Variants in AKR1D1 observed in about 807,000 individuals in gnomAD.
The protein encoded by AKR1D1 is aldo-keto reductase family 1 member D1.
AKR1D1 carries 32 observed loss-of-function variants against 42.6 expected under a neutral mutation model. The ratio of observed to expected loss-of-function variants is 0.75; its 90% CI spans 0.57 to 1.01. The LOEUF (loss-of-function observed/expected upper bound fraction) is 1.01, where lower values mean the gene tolerates loss of function less well. Among genes scored for constraint, AKR1D1 ranks in the 50% least tolerant of loss-of-function variants. AKR1D1 has a pLI of 0.00. For missense variants in AKR1D1, 364 were observed against 402.2 expected, an observed-to-expected ratio of 0.91 and a Z score of 0.81; for synonymous variants, 123 against 135.5, an observed-to-expected ratio of 0.91 and a Z score of 0.64.
chr7:138,102,319 G>C (rs547104815), intron 4 of AKR1D1, among the ~76,000 whole-genome samples: 1 of 151,850 alleles, frequency 6.6e-6, no homozygotes, highest in African/African-American at 2.4e-5. Context: ...CTATAACCCA[G>C]CACTTTGAGA....
In AKR1D1 at chr7:138,116,916, CAG is replaced by C; in HGVS notation, c.*256_*257del. 2.2e-6 allele frequency: 1 copy of C among 451,194 alleles called. No homozygotes were observed. Among genetic ancestry groups the C allele is most frequent in the Non-Finnish European group, 3.9e-6 (1 of 254,776 alleles). 27.9% of individuals were successfully genotyped at this position (451,194 alleles called of 1,614,324 possible). On this transcript the variant is annotated 3_prime_UTR_variant, in exon 9 of 9. Transcript: ENST00000242375. Reference sequence around the variant, plus strand: ...TTTCAGATCAGTATCTTCTAGATTCCAGACAGAAAAAAATTACACTTCAGAAA... The same window carrying C: ...TTTCAGATCAGTATCTTCTAGATTCCACAGAAAAAAATTACACTTCAGAAA...
At chr7:138,095,817 C>T (rs117411517) in intron 3 of AKR1D1, among the ~76,000 whole-genome samples, 2,903 of 151,536 alleles carry the variant, frequency 0.019, 50 homozygotes, top group Non-Finnish European at 0.029. Flanking sequence ...TGAGCCACTG[C>T]GCCTGGCCAA....
At chr7:138,088,522 T>C in intron 1 of AKR1D1, 79 bp from the exon 2 acceptor site, 1 of 1,487,734 alleles carries the variant, frequency 6.7e-7, no homozygotes, top group Non-Finnish European at 9.4e-7. Context: ...GGAATGTACA[T>C]GCAAAATGTC....
At chr7:138,089,702 G>A (rs1296053358) in intron 2 of AKR1D1, among the ~76,000 whole-genome samples, 1 of 152,104 alleles carries the variant, frequency 6.6e-6, no homozygotes, top group Non-Finnish European at 1.5e-5. Flanking sequence ...TGTCAATATG[G>A]GCTGTATGTA....
In AKR1D1 at chr7:138,088,736, G is replaced by T. The variant is rs143466151; in HGVS notation, c.229G>T (p.Val77Leu). ...AIREKIAEGK[V>L]RREDIFYCGK... ...CAGGGAGAAGATAGCAGAAGGAAAG[G>T]TGCGGAGGGAAGATATCTTCTACTG... The change falls in exon 2 of 9, where the codon GTG becomes TTG. Residue 77 changes from valine to leucine, a missense_variant. Val to Leu is a conservative substitution (Grantham distance 32). Transcript: ENST00000242375. 1 of 1,609,914 alleles carries T rather than the reference G, an allele frequency of 6.2e-7. No individual in the cohort carries two copies. Among genetic ancestry groups the T allele is most frequent in the Non-Finnish European group, 8.5e-7 (1 of 1,177,940 alleles).
chr7:138,106,153 A>G (rs912969605), intron 5 of AKR1D1, among the ~76,000 whole-genome samples: 1 of 152,218 alleles, frequency 6.6e-6, no homozygotes, highest in African/African-American at 2.4e-5. Context: ...CAAGTGATTA[A>G]ATGCTAGTGA....
chr7:138,084,465 T>C (rs867364213), intron 1 of AKR1D1, among the ~76,000 whole-genome samples: 26 of 151,910 alleles, frequency 1.7e-4, no homozygotes, highest in African/African-American at 6.3e-4. Flanking sequence ...GCGATCCTCC[T>C]ACCTCAGCCT....
intron 1 of AKR1D1, among the ~76,000 whole-genome samples, chr7:138,079,491 T>C (rs1803008900): frequency 6.6e-6 from 1 of 152,176 alleles, no homozygotes; most frequent in African/African-American, 2.4e-5. Context: ...ATTGAGAATA[T>C]AATAGACATC....
At position 138,116,847 on chromosome 7, in the gene AKR1D1, T is replaced by C. The variant is rs553896043; in HGVS notation, c.*185T>C. ...ACTCAGTCACATTGAAGTAAAAATA[T>C]TAAAATCTGTTGAAATAACTCTTAG... On this transcript the variant is annotated 3_prime_UTR_variant, in exon 9 of 9. Coordinates refer to ENST00000242375, the MANE Select transcript of AKR1D1 (RefSeq NM_005989.4). 2.8e-5 allele frequency: 16 copies of C among 561,450 alleles called. No individual in the cohort carries two copies. The South Asian group carries it at 4.4e-4, about 15-fold the overall frequency. 34.8% of individuals were successfully genotyped at this position (561,450 alleles called of 1,614,324 possible). A position where few individuals can be genotyped will look rare whatever the true frequency, so the allele number is the denominator to read the frequency against.
At position 138,118,266 on chromosome 7, in the gene AKR1D1, G is replaced by T. The variant is rs929896828; in HGVS notation, c.*1604G>T. Among the ~76,000 whole-genome samples, 1 of 152,070 alleles carries T rather than the reference G, an allele frequency of 6.6e-6. No homozygotes were observed. Among genetic ancestry groups the T allele is most frequent in the Non-Finnish European group, 1.5e-5 (1 of 67,988 alleles). On this transcript the variant is annotated 3_prime_UTR_variant, in exon 9 of 9. Coordinates refer to ENST00000242375, the MANE Select transcript of AKR1D1 (RefSeq NM_005989.4). ...AACACTGACCTCTGGAAAATATTTT[G>T]TTCACAAGAAATAATAAAGTATAAT...
At position 138,097,893 on chromosome 7, in the gene AKR1D1, G is replaced by A. The variant is rs867626075; in HGVS notation, c.406G>A (p.Glu136Lys). 14 of 1,606,318 alleles carry A rather than the reference G, an allele frequency of 8.7e-6. No individual in the cohort carries two copies. Among genetic ancestry groups the A allele is most frequent in the Middle Eastern group, 1.7e-4 (1 of 5,994 alleles). ...AGGAGATGAAATATACCCTAGAGAT[G>A]AGAATGGCAAATGGTTATATCACAA... ...KPGDEIYPRDENGKWLYHKSN... is the reference protein window; with the variant it reads ...KPGDEIYPRDKNGKWLYHKSN... Residue 136 changes from glutamate to lysine, a missense_variant, in exon 4 of 9, where the codon GAG (glutamate) becomes AAG (lysine). Coordinates refer to ENST00000242375, the MANE Select transcript of AKR1D1 (RefSeq NM_005989.4).
intron 1 of AKR1D1, among the ~76,000 whole-genome samples, chr7:138,084,622 G>A (rs948333172): frequency 7.9e-5 from 12 of 151,966 alleles, no homozygotes; most frequent in South Asian, 4.2e-4. Context: ...TTTAATTGTG[G>A]AATCAAATTT....
At chr7:138,080,054 C>T (rs1803020957) in intron 1 of AKR1D1, among the ~76,000 whole-genome samples, 1 of 152,166 alleles carries the variant, frequency 6.6e-6, no homozygotes, top group Non-Finnish European at 1.5e-5. Flanking sequence ...CTAATGAAAG[C>T]TGGTGTATTC....
intron 3 of AKR1D1, among the ~76,000 whole-genome samples, chr7:138,092,455 T>G (rs1425831301): frequency 6.6e-6 from 1 of 152,220 alleles, no homozygotes; most frequent in East Asian, 1.9e-4. Context: ...ATGGGATACA[T>G]TCTGAGAAAT....
At chr7:138,101,080 T>C (rs759740669) in intron 4 of AKR1D1, among the ~76,000 whole-genome samples, 1 of 151,814 alleles carries the variant, frequency 6.6e-6, no homozygotes, top group African/African-American at 2.4e-5. Context: ...ATATAGGAGA[T>C]TTAAACATTA....
chr7:138,113,309 C>A (rs1251371135), intron 7 of AKR1D1, among the ~76,000 whole-genome samples: 2 of 147,976 alleles, frequency 1.4e-5, no homozygotes, highest in Non-Finnish European at 3.0e-5. Flanking sequence ...GAGTAAGACC[C>A]TGTCTCAAAA....
chr7:138,104,640 A>G (rs993178260), intron 4 of AKR1D1, among the ~76,000 whole-genome samples: 1 of 149,668 alleles, frequency 6.7e-6, no homozygotes, highest in Admixed American at 6.7e-5. Context: ...AGATCGTGCC[A>G]TCGCACTCTA....
chr7:138,101,266 C>T (rs1794312280), intron 4 of AKR1D1, among the ~76,000 whole-genome samples: 1 of 150,384 alleles, frequency 6.6e-6, no homozygotes, highest in African/African-American at 2.5e-5. Flanking sequence ...GTGGCGCAAT[C>T]TCAGCTCACT....
At chr7:138,102,694 T>G (rs1163342335) in intron 4 of AKR1D1, among the ~76,000 whole-genome samples, 2 of 152,200 alleles carry the variant, frequency 1.3e-5, no homozygotes, top group Non-Finnish European at 2.9e-5. Flanking sequence ...TAGAGAATGT[T>G]AAAATAGACC....
Sources: allele counts gnomAD v4.1 joint callset (sites outside exome capture counted in the v4.1 genomes callset), GRCh38; gene constraint gnomAD v4.1.1; transcripts MANE v1.5; gene names NCBI Gene and HGNC (gene_info 2026-07-23, HGNC 2026-07-21).